The following PSMD1 variants were observed in gnomAD, a reference collection of about 807,000 sequenced individuals.
PSMD1 encodes 26S proteasome non-ATPase regulatory subunit 1.
Under a neutral mutation model 119.0 loss-of-function variants are expected in PSMD1, and 18 were observed. That is an observed-to-expected ratio of 0.15 (90% confidence interval 0.10 to 0.22). The LOEUF is 0.22. Ranked by LOEUF, PSMD1 falls within the 10% of genes least tolerant of loss-of-function variation. PSMD1 has a pLI of 1.00. For missense variants in PSMD1, 702 were observed against 1,158.5 expected, an observed-to-expected ratio of 0.61 and a Z score of 5.72; for synonymous variants, 374 against 396.6, an observed-to-expected ratio of 0.94 and a Z score of 0.68.
chr2:231,150,812 AACAC>A (rs1696361259), intron 18 of PSMD1, among the ~76,000 whole-genome samples: 1 of 152,186 alleles, frequency 6.6e-6, no homozygotes, highest in Non-Finnish European at 1.5e-5. Flanking sequence ...AGACAAAAAA[AACAC>A]CTCCAAAACT....
chr2:231,089,594 GATATAT>G (rs140932102), intron 16 of PSMD1, among the ~76,000 whole-genome samples: 3 of 143,184 alleles, frequency 2.1e-5, no homozygotes, highest in African/African-American at 8.0e-5. Context: ...GAATTAATAG[GATATAT>G]ATATATATAT....
intron 16 of PSMD1, among the ~76,000 whole-genome samples, chr2:231,104,709 C>T (rs545424855): frequency 6.6e-6 from 1 of 152,250 alleles, no homozygotes; most frequent in East Asian, 1.9e-4. Flanking sequence ...TCTAAACAGG[C>T]TTCATGATAG....
intron 1 of PSMD1, among the ~76,000 whole-genome samples, chr2:231,057,593 AC>A (rs1400234114): frequency 6.6e-6 from 1 of 152,192 alleles, no homozygotes; most frequent in East Asian, 1.9e-4. Context: ...CACCCAGAGA[AC>A]TTTTGGGTTC....
intron 21 of PSMD1, among the ~76,000 whole-genome samples, chr2:231,164,442 CT>C (rs1696709995): frequency 2.0e-5 from 3 of 152,180 alleles, no homozygotes; most frequent in South Asian, 4.1e-4. Context: ...TAAAATTATA[CT>C]TTTTTTGATA....
chr2:231,125,865 T>C (rs1183667934), intron 16 of PSMD1, among the ~76,000 whole-genome samples: 1 of 152,236 alleles, frequency 6.6e-6, no homozygotes, highest in Non-Finnish European at 1.5e-5. Flanking sequence ...AAATCAGTGA[T>C]GACATTTGTG....
At chr2:231,130,822 G>A (rs1377331288) in intron 16 of PSMD1, among the ~76,000 whole-genome samples, 1 of 152,110 alleles carries the variant, frequency 6.6e-6, no homozygotes, top group Non-Finnish European at 1.5e-5. Context: ...TTAAGGATTA[G>A]TCATTTAAAT....
At chr2:231,136,821 C>T (rs1415759821) in intron 16 of PSMD1, among the ~76,000 whole-genome samples, 1 of 151,496 alleles carries the variant, frequency 6.6e-6, no homozygotes, top group Non-Finnish European at 1.5e-5. Context: ...CACTTTATGT[C>T]TGCATTCTCT....
intron 24 of PSMD1, among the ~76,000 whole-genome samples, chr2:231,172,042 G>C (rs1022356758): frequency 6.6e-6 from 1 of 152,168 alleles, no homozygotes; most frequent in Non-Finnish European, 1.5e-5. Flanking sequence ...ACCTCAGGAA[G>C]ACTATTAGTT....
chr2:231,064,289 G>C (rs1481539557), intron 4 of PSMD1, among the ~76,000 whole-genome samples: 1 of 152,178 alleles, frequency 6.6e-6, no homozygotes, highest in East Asian at 1.9e-4. Context: ...GCGTCTTAAT[G>C]AATATCGTAA....
At chr2:231,137,057 A>G (rs1381115542) in intron 16 of PSMD1, among the ~76,000 whole-genome samples, 2 of 144,974 alleles carry the variant, frequency 1.4e-5, no homozygotes, top group East Asian at 3.9e-4. Context: ...ATATATAAAT[A>G]TATATATTTT....
rs114733172 is a variant in PSMD1, at chr2:231,104,754, C to T, written c.1883+17573C>T. Reference sequence around the variant, plus strand: ...TTCTCCACCTTGCTTTCAGTCAGAGCACCATCTTTTTGAGTGGCTGTGATA... The same window carrying T: ...TTCTCCACCTTGCTTTCAGTCAGAGTACCATCTTTTTGAGTGGCTGTGATA... On this transcript the variant is annotated intron_variant, in intron 16 of 24. Coordinates refer to ENST00000308696, the MANE Select transcript of PSMD1 (RefSeq NM_002807.4). Among the ~76,000 whole-genome samples, 312 of 152,254 alleles carry T rather than the reference C, an allele frequency of 2.0e-3. 1 individual carries two copies. Among genetic ancestry groups the T allele is most frequent in the African/African-American group, 7.1e-3 (296 of 41,558 alleles).
chr2:231,057,894 A>G (rs561580067), intron 1 of PSMD1, among the ~76,000 whole-genome samples: 2 of 152,342 alleles, frequency 1.3e-5, no homozygotes, highest in Admixed American at 6.5e-5. Flanking sequence ...GCCTATTTAC[A>G]TACCCTTTTC....
At chr2:231,137,215 T>C (rs1478430880) in intron 16 of PSMD1, among the ~76,000 whole-genome samples, 2 of 151,574 alleles carry the variant, frequency 1.3e-5, no homozygotes, top group Non-Finnish European at 2.9e-5. Context: ...CCTCCCGGGT[T>C]CAAGGGATTC....
chr2:231,069,089 C>A (rs75455207), intron 5 of PSMD1, among the ~76,000 whole-genome samples: 12,471 of 151,790 alleles, frequency 0.082, 646 homozygotes, highest in South Asian at 0.21. Context: ...ACAAGACCAA[C>A]AAAGTTCCTG....
intron 14 of PSMD1, among the ~76,000 whole-genome samples, chr2:231,084,264 AT>A (rs943626375): frequency 5.3e-5 from 8 of 152,000 alleles, no homozygotes; most frequent in African/African-American, 1.9e-4. Context: ...AGGCATGAGA[AT>A]TGCTTGAGCC....
intron 4 of PSMD1, among the ~76,000 whole-genome samples, chr2:231,066,120 A>G (rs945701797): frequency 2.0e-5 from 3 of 152,274 alleles, no homozygotes; most frequent in Non-Finnish European, 4.4e-5. Flanking sequence ...AGTTCACTCC[A>G]TGATGTTTGC....
Position 231,081,074 on chromosome 2 carries a change from G to A in PSMD1, c.1413+760G>A, listed in dbSNP as rs981723979. Among the ~76,000 whole-genome samples the A allele has an allele frequency of 7.3e-5, 11 of 151,374 alleles. No homozygotes were observed. The Middle Eastern group carries it at 0.014, about 187-fold the overall frequency. ...CAGGAGAATCACTTGAACCCGGGAG[G>A]CAGAGGTTGCAGTGAGGCCAAGATG... On this transcript the variant is annotated intron_variant, in intron 12 of 24. Coordinates refer to ENST00000308696, the MANE Select transcript of PSMD1 (RefSeq NM_002807.4).
chr2:231,114,086 C>T (rs2125215285), intron 16 of PSMD1, among the ~76,000 whole-genome samples: 1 of 152,280 alleles, frequency 6.6e-6, no homozygotes, highest in African/African-American at 2.4e-5. Flanking sequence ...ATGGAGACAA[C>T]ATTAAATTCA....
At chr2:231,147,936 A>C (rs1696287345) in intron 18 of PSMD1, among the ~76,000 whole-genome samples, 1 of 152,234 alleles carries the variant, frequency 6.6e-6, no homozygotes, top group Admixed American at 6.5e-5. Context: ...GCTTTGTTTA[A>C]AAAAGTTCAA....
Sources: allele counts gnomAD v4.1 joint callset (sites outside exome capture counted in the v4.1 genomes callset), GRCh38; gene constraint gnomAD v4.1.1; transcripts MANE v1.5; gene names NCBI Gene and HGNC (gene_info 2026-07-23, HGNC 2026-07-21).